The following ADCK1 variants were observed in gnomAD, a reference collection of about 807,000 sequenced individuals.
The protein encoded by ADCK1 is aarF domain-containing protein kinase 1.
Under a neutral mutation model 52.3 loss-of-function variants are expected in ADCK1, and 41 were observed. That is an observed-to-expected ratio of 0.78 (90% CI 0.61 to 1.02). The LOEUF (loss-of-function observed/expected upper bound fraction) is 1.02, where lower values mean the gene tolerates loss of function less well. Ranked by LOEUF, ADCK1 falls within the 50% of genes least tolerant of loss-of-function variation. The pLI is 0.00. For synonymous variants in ADCK1, 250 were observed against 274.6 expected (o/e 0.91, Z 0.89); for missense variants, 658 against 679.5 (o/e 0.97, Z 0.35).
At chr14:77,853,307 A>G (rs889422309) in intron 3 of ADCK1, among the ~76,000 whole-genome samples, 2 of 151,200 alleles carry the variant, frequency 1.3e-5, no homozygotes, top group Non-Finnish European at 2.9e-5. Context: ...TTATGTAGAG[A>G]TGGAGTTTTG....
At chr14:77,860,702 G>A (rs1158443939) in intron 4 of ADCK1, among the ~76,000 whole-genome samples, 12 of 152,204 alleles carry the variant, frequency 7.9e-5, no homozygotes, top group African/African-American at 2.9e-4. Context: ...GGGACCCCAG[G>A]CAGAGGGGAC....
intron 3 of ADCK1, among the ~76,000 whole-genome samples, chr14:77,832,058 GCCTCTACCTT>G (rs780580709): frequency 1.7e-4 from 26 of 151,642 alleles, no homozygotes; most frequent in Non-Finnish European, 3.2e-4. Flanking sequence ...GCTTACTGCA[GCCTCTACCTT>G]CCGGGTTCAA....
chr14:77,820,412 C>T (rs2081555094), intron 2 of ADCK1, among the ~76,000 whole-genome samples: 1 of 151,108 alleles, frequency 6.6e-6, no homozygotes, highest in Admixed American at 6.6e-5. Context: ...CTTACTGCAA[C>T]CTCCACCTCC....
At chr14:77,804,690 T>A (rs2081182052) in intron 1 of ADCK1, among the ~76,000 whole-genome samples, 2 of 152,134 alleles carry the variant, frequency 1.3e-5, no homozygotes, top group Non-Finnish European at 2.9e-5. Flanking sequence ...CCTGCATTGT[T>A]CCTTGCTCTG....
In ADCK1 at chr14:77,822,528, C is replaced by A; in HGVS notation, c.219+10C>A. 1 of 1,605,992 alleles carries A rather than the reference C, an allele frequency of 6.2e-7. No individual in the cohort carries two copies. The highest frequency in any genetic ancestry group is 8.5e-7 in the Non-Finnish European group (1 of 1,172,636). ...GCAGCTGAGATCTAAGGTAAGTAAC[C>A]CATGGGACCCATCTGAGCCAGGCCA... On this transcript the variant is annotated intron_variant, in intron 3 of 10. Transcript: ENST00000238561.
chr14:77,877,923 C>T (rs1049142327), intron 4 of ADCK1, among the ~76,000 whole-genome samples: 2 of 152,154 alleles, frequency 1.3e-5, no homozygotes, highest in African/African-American at 4.8e-5. Context: ...TCCTTCCTTT[C>T]TTCAGCTAGT....
chr14:77,868,946 G>T (rs1397196207), intron 4 of ADCK1, among the ~76,000 whole-genome samples: 4 of 152,194 alleles, frequency 2.6e-5, no homozygotes, highest in Non-Finnish European at 2.9e-5. Context: ...CTGTGGGGCT[G>T]ATGGTTGGGA....
chr14:77,899,110 T>A lies in ADCK1; in HGVS notation c.593T>A (p.Leu198Gln), dbSNP rs1163293318. The change falls in exon 6 of 11, where the codon CTG becomes CAG. Residue 198 changes from leucine to glutamine, a missense_variant. By Grantham distance (113) the Leu-to-Gln change is moderately radical. Coordinates refer to ENST00000238561, the MANE Select transcript of ADCK1 (RefSeq NM_020421.4). ...KDILLMEVLVLAVKQLFPEFE... is the reference protein window; with the variant it reads ...KDILLMEVLVQAVKQLFPEFE... Reference sequence around the variant, plus strand: ...CTTGTTGGATTTCAGGTGCTCGTTCTGGCTGTGAAGCAGCTGTTCCCAGAG... The same window carrying A: ...CTTGTTGGATTTCAGGTGCTCGTTCAGGCTGTGAAGCAGCTGTTCCCAGAG... The A allele has an allele frequency of 2.5e-6, 4 of 1,613,726 alleles. No individual in the cohort carries two copies. The African/African-American group carries it at 5.3e-5, about 22-fold the overall frequency.
chr14:77,822,301 G>A, intron 2 of ADCK1, 134 bp from the exon 3 acceptor site: 1 of 684,852 alleles, frequency 1.5e-6, no homozygotes, highest in Non-Finnish European at 2.6e-6. Context: ...CCAGGGGCCA[G>A]GCATCTTAGG....
At position 77,822,189 on chromosome 14, in the gene ADCK1, T is replaced by C. The variant is rs572674165; in HGVS notation, c.136-246T>C. Among the ~76,000 whole-genome samples, 26 of 152,290 alleles carry C rather than the reference T, an allele frequency of 1.7e-4. No individual in the cohort carries two copies. The East Asian group carries it at 4.4e-3, about 26-fold the overall frequency. On this transcript the variant is annotated intron_variant, in intron 2 of 10. Coordinates refer to ENST00000238561, the MANE Select transcript of ADCK1 (RefSeq NM_020421.4). Reference sequence around the variant, plus strand: ...GATGGTAGTTTGTTATGATAAATAATTGAATGTTTCAGGTAAGAGGGGCAA... The same window carrying C: ...GATGGTAGTTTGTTATGATAAATAACTGAATGTTTCAGGTAAGAGGGGCAA...
intron 1 of ADCK1, among the ~76,000 whole-genome samples, chr14:77,811,448 G>T (rs1481459426): frequency 1.3e-5 from 2 of 152,066 alleles, no homozygotes; most frequent in Non-Finnish European, 2.9e-5. Flanking sequence ...GCCATGCCAG[G>T]ACTCAAACCT....
intron 3 of ADCK1, among the ~76,000 whole-genome samples, chr14:77,844,807 T>G (rs1343148141): frequency 6.6e-6 from 1 of 152,214 alleles, no homozygotes; most frequent in East Asian, 1.9e-4. Context: ...AGAAGACACC[T>G]TAGAAACATC....
At chr14:77,801,214 A>G (rs1198483700) in intron 1 of ADCK1, among the ~76,000 whole-genome samples, 6 of 152,226 alleles carry the variant, frequency 3.9e-5, no homozygotes, top group Admixed American at 3.3e-4. Context: ...TAAGTCTGGT[A>G]TGAGGACCAA....
At chr14:77,811,117 G>GA (rs2140006233) in intron 1 of ADCK1, among the ~76,000 whole-genome samples, 1 of 152,022 alleles carries the variant, frequency 6.6e-6, no homozygotes, top group Non-Finnish European at 1.5e-5. Context: ...GTTAAGTGGG[G>GA]GCCACCTAGA....
At chr14:77,884,636 A>G (rs12435231) in intron 4 of ADCK1, among the ~76,000 whole-genome samples, 19,375 of 152,126 alleles carry the variant, frequency 0.13, 1,474 homozygotes, top group African/African-American at 0.19. Flanking sequence ...AGAGGCTCAA[A>G]CACCGTGGCC....
intron 1 of ADCK1, among the ~76,000 whole-genome samples, chr14:77,804,282 C>T (rs187821935): frequency 3.9e-4 from 59 of 152,190 alleles, no homozygotes; most frequent in Admixed American, 1.4e-3. Context: ...ACATATTTCA[C>T]GCCTGACAGG....
At chr14:77,858,434 G>C (rs1417986032) in intron 3 of ADCK1, among the ~76,000 whole-genome samples, 3 of 151,962 alleles carry the variant, frequency 2.0e-5, no homozygotes, top group Non-Finnish European at 4.4e-5. Flanking sequence ...TAGATATGGG[G>C]TTTCACCATC....
At chr14:77,913,566 CT>C (rs1220546461) in intron 7 of ADCK1, among the ~76,000 whole-genome samples, 1 of 152,234 alleles carries the variant, frequency 6.6e-6, no homozygotes, top group Non-Finnish European at 1.5e-5. Context: ...CTTTCCCGGG[CT>C]GGGTGGCGCC....
At chr14:77,812,780 G>A (rs548546383) in intron 1 of ADCK1, among the ~76,000 whole-genome samples, 1 of 151,864 alleles carries the variant, frequency 6.6e-6, no homozygotes, top group Non-Finnish European at 1.5e-5. Flanking sequence ...AGTAGAGATA[G>A]GGTTTTGCCA....
Sources: gnomAD v4.1 joint callset for allele counts (sites outside exome capture counted in the v4.1 genomes callset) on GRCh38, gnomAD v4.1.1 for gene constraint, MANE v1.5 for transcripts, NCBI Gene and HGNC (gene_info 2026-07-23, HGNC 2026-07-21) for gene names.